Variants in HEPACAM2 observed in about 807,000 individuals in gnomAD.
The protein encoded by HEPACAM2 is HEPACAM family member 2.
A neutral mutation model predicts 49.6 loss-of-function variants in HEPACAM2; 49 were observed. The ratio of observed to expected loss-of-function variants is 0.99; its 90% CI spans 0.78 to 1.25. HEPACAM2 has a LOEUF of 1.25. Ranked by LOEUF, HEPACAM2 falls within the 50% of genes most tolerant of loss-of-function variation. The pLI is 0.00. For synonymous variants in HEPACAM2, 197 were observed against 202.9 expected (o/e 0.97, Z 0.25); for missense variants, 525 against 557.2 (o/e 0.94, Z 0.58).
intron 2 of HEPACAM2, among the ~76,000 whole-genome samples, chr7:93,217,084 C>T (rs1794323560): frequency 6.6e-6 from 1 of 152,086 alleles, no homozygotes; most frequent in South Asian, 2.1e-4. Flanking sequence ...TTAATTTAAT[C>T]CTTCATCTTC....
chr7:93,228,172 GAAAT>G (rs1032159207), upstream of HEPACAM2, among the ~76,000 whole-genome samples: 49 of 152,190 alleles, frequency 3.2e-4, no homozygotes, highest in African/African-American at 1.2e-3. Flanking sequence ...GGCAAAAAGA[GAAAT>G]AAAGACAATG....
intron 4 of HEPACAM2, among the ~76,000 whole-genome samples, chr7:93,199,474 A>G (rs994756597): frequency 2.0e-5 from 3 of 152,056 alleles, no homozygotes; most frequent in Admixed American, 6.6e-5. Context: ...TTTCTCAGAT[A>G]TTATTCTCTT....
rs754130412 is a variant in HEPACAM2, at chr7:93,215,526, A to G, written c.590T>C (p.Phe197Ser). ...ATGAAGGGTATTGTTTTGGGGAGAA[A>G]AGGAGTAGGTGGAGCTGGTGTGGAC... ...RPVHTSSTYSFSPQNNTLHIA... is the reference protein window; with the variant it reads ...RPVHTSSTYSSSPQNNTLHIA... Residue 197 changes from phenylalanine to serine, a missense_variant, in exon 3 of 10, where the codon TTT becomes TCT. By Grantham distance (155) the Phe-to-Ser change is radical. Coordinates refer to ENST00000394468, the MANE Select transcript of HEPACAM2 (RefSeq NM_001039372.4). 44 of 1,613,610 alleles carry G rather than the reference A, an allele frequency of 2.7e-5. No homozygotes were observed. Among genetic ancestry groups the G allele is most frequent in the Admixed American group, 2.0e-4 (12 of 59,922 alleles).
chr7:93,197,643 A>T, intron 4 of HEPACAM2, 33 bp from the exon 5 acceptor site: 1 of 1,501,258 alleles, frequency 6.7e-7, no homozygotes, highest in Non-Finnish European at 9.0e-7. Context: ...TTTTAGCAAT[A>T]AATTGCTACA....
chr7:93,226,225 AGT>A (rs930029851), intron 1 of HEPACAM2, 141 bp downstream of exon 1: 4 of 611,680 alleles, frequency 6.5e-6, no homozygotes, highest in African/African-American at 3.7e-5. Context: ...TTGCTGTAAC[AGT>A]GTGTTATTGT....
Position 93,204,091 on chromosome 7 carries a change from T to C in HEPACAM2, c.1012+4489A>G, listed in dbSNP as rs1439822525. On this transcript the variant is annotated intron_variant, in intron 4 of 9. Transcript: ENST00000394468. ...ATAGAAAAAATTAGTAAATTCATTT[T>C]CCTGCCTTGAGTCTTTTTCCTGTTC... Among the ~76,000 whole-genome samples the C allele has an allele frequency of 3.9e-5, 6 of 152,180 alleles. No individual in the cohort carries two copies. The East Asian group carries it at 1.2e-3, about 29-fold the overall frequency.
chr7:93,201,439 C>A (rs1331983750), intron 4 of HEPACAM2, among the ~76,000 whole-genome samples: 1 of 151,886 alleles, frequency 6.6e-6, no homozygotes, highest in Admixed American at 6.6e-5. Context: ...TTTTATTTAT[C>A]TTTTCTTCTC....
intron 9 of HEPACAM2, among the ~76,000 whole-genome samples, chr7:93,191,130 T>G (rs938619320): frequency 6.6e-6 from 1 of 152,064 alleles, no homozygotes; most frequent in Non-Finnish European, 1.5e-5. Context: ...AGGTATCATT[T>G]TAGAGTTTTT....
chr7:93,230,840 A>G (rs756010865), upstream of HEPACAM2, among the ~76,000 whole-genome samples: 13 of 152,222 alleles, frequency 8.5e-5, no homozygotes, highest in Non-Finnish European at 1.5e-4. Flanking sequence ...TATAATTTCA[A>G]AGGAATTGCT....
intron 6 of HEPACAM2, 21 bp from the exon 7 acceptor site, chr7:93,197,299 T>A (rs1039628746): frequency 2.5e-6 from 4 of 1,609,466 alleles, no homozygotes; most frequent in Non-Finnish European, 3.4e-6. Context: ...AAAATAGGTA[T>A]TTTTGTCAGG....
At chr7:93,221,723 T>C (rs1381597955) in intron 1 of HEPACAM2, among the ~76,000 whole-genome samples, 1 of 152,216 alleles carries the variant, frequency 6.6e-6, no homozygotes, top group Admixed American at 6.5e-5. Context: ...CCATATGGAC[T>C]GAAAAGCAGA....
At chr7:93,217,876 CTGTGTGTG>C (rs138044928) in intron 2 of HEPACAM2, among the ~76,000 whole-genome samples, 3,871 of 140,160 alleles carry the variant, frequency 0.028, 77 homozygotes, top group Non-Finnish European at 0.041. Context: ...GCATGTGTGT[CTGTGTGTG>C]TGTGTGTGTG....
chr7:93,224,188 G>A (rs546595352), intron 1 of HEPACAM2, among the ~76,000 whole-genome samples: 11 of 152,056 alleles, frequency 7.2e-5, no homozygotes, highest in African/African-American at 2.2e-4. Context: ...GGCACTTTAG[G>A]GGACTGAGGT....
At chr7:93,232,014 T>C in the HEPACAM2 span, among the ~76,000 whole-genome samples, 1 of 152,012 alleles carries the variant, frequency 6.6e-6, no homozygotes, top group African/African-American at 2.4e-5. Context: ...CTAGACCAGG[T>C]GAGGTTTCCT....
chr7:93,205,048 C>G (rs1334950302), intron 4 of HEPACAM2, among the ~76,000 whole-genome samples: 1 of 150,068 alleles, frequency 6.7e-6, no homozygotes, highest in Non-Finnish European at 1.5e-5. Context: ...TGCAGTGAGC[C>G]GAGATTGTGC....
chr7:93,208,504 GT>G, intron 4 of HEPACAM2, 75 bp downstream of exon 4: 1 of 1,226,292 alleles, frequency 8.2e-7, no homozygotes, highest in Non-Finnish European at 1.2e-6. Context: ...TTCTACCTAG[GT>G]ATAAGATAGG....
At chr7:93,210,740 A>G (rs147280388) in intron 3 of HEPACAM2, among the ~76,000 whole-genome samples, 129 of 152,064 alleles carry the variant, frequency 8.5e-4, no homozygotes, top group Non-Finnish European at 1.6e-3. Context: ...TTTTAAAAGT[A>G]TAAGCTATTT....
intron 7 of HEPACAM2, among the ~76,000 whole-genome samples, chr7:93,196,599 G>T (rs546687470): frequency 6.3e-4 from 96 of 152,136 alleles, no homozygotes; most frequent in Non-Finnish European, 9.6e-4. Context: ...CAACCTTAAG[G>T]GGGAAGTTTT....
upstream of HEPACAM2, among the ~76,000 whole-genome samples, chr7:93,229,605 ATCAATTTACTTAAC>A (rs1794591595): frequency 6.6e-6 from 1 of 152,116 alleles, no homozygotes; most frequent in Non-Finnish European, 1.5e-5. Flanking sequence ...TCTGAATCAG[ATCAATTTACTTAAC>A]TCTTGGCTCT....
Sources: allele counts gnomAD v4.1 joint callset (sites outside exome capture counted in the v4.1 genomes callset), GRCh38; gene constraint gnomAD v4.1.1; transcripts MANE v1.5; gene names NCBI Gene and HGNC (gene_info 2026-07-23, HGNC 2026-07-21).